SCYL3: variants seen among roughly 807,000 people sequenced by gnomAD.
SCYL3 encodes the protein SCY1 like pseudokinase 3, also known as protein-associating with the carboxyl-terminal domain of ezrin.
Under a neutral mutation model 73.8 loss-of-function variants are expected in SCYL3, and 35 were observed. That is an observed-to-expected ratio of 0.47 (90% CI 0.36 to 0.63). SCYL3 has a LOEUF of 0.63. Among genes scored for constraint, SCYL3 ranks in the 20% least tolerant of loss-of-function variants. The probability of loss-of-function intolerance (pLI) is 0.00; values close to 1 mark genes in which losing one functional copy is unlikely to be tolerated. For synonymous variants in SCYL3, 277 were observed against 295.2 expected (o/e 0.94, Z 0.63); for missense variants, 712 against 798.9 (o/e 0.89, Z 1.31).
chr1:169,855,897 G>C, intron 11 of SCYL3: 1 of 1,613,924 alleles, frequency 6.2e-7, no homozygotes, highest in Non-Finnish European at 8.5e-7. Context: ...GCTAGAGAAG[G>C]GGTTCTCCAA....
At chr1:169,887,522 C>G (rs1444711709) in intron 2 of SCYL3, among the ~76,000 whole-genome samples, 1 of 152,064 alleles carries the variant, frequency 6.6e-6, no homozygotes, top group Non-Finnish European at 1.5e-5. Flanking sequence ...TAACAGGAGG[C>G]ATGTTAGACA....
chr1:169,854,240 T>A, intron 12 of SCYL3, 30 bp downstream of exon 12: 1 of 1,512,694 alleles, frequency 6.6e-7, no homozygotes, highest in South Asian at 1.3e-5. Flanking sequence ...CTAAAGCTAG[T>A]AGCACAGTTT....
chr1:169,853,598 G>C lies in SCYL3; in HGVS notation c.*115C>G. The C allele has an allele frequency of 2.8e-6, 3 of 1,064,510 alleles. No individual in the cohort carries two copies. Among genetic ancestry groups the C allele is most frequent in the Non-Finnish European group, 4.2e-6 (3 of 714,488 alleles). 65.9% of individuals were successfully genotyped at this position (1,064,510 alleles called of 1,614,324 possible). ...GCACAGACTGGATAATGAGCTCCTGGGATGGGAAAAGCAGGCCACTTTGGG... is the reference window on the plus strand; with the variant it reads ...GCACAGACTGGATAATGAGCTCCTGCGATGGGAAAAGCAGGCCACTTTGGG... On this transcript the variant is annotated 3_prime_UTR_variant, in exon 13 of 13. Transcript: ENST00000367771.
chr1:169,859,250 A>C, intron 10 of SCYL3, 38 bp from the exon 11 acceptor site: 1 of 1,570,048 alleles, frequency 6.4e-7, no homozygotes, highest in Non-Finnish European at 8.6e-7. Context: ...GACAACCACA[A>C]TACCTATCTC....
chr1:169,860,252 A>AT (rs1318779598), intron 10 of SCYL3, among the ~76,000 whole-genome samples: 6 of 152,094 alleles, frequency 3.9e-5, no homozygotes, highest in Admixed American at 6.5e-5. Flanking sequence ...ACATTCTTAA[A>AT]TTTTTTTTGC....
intron 5 of SCYL3, among the ~76,000 whole-genome samples, chr1:169,872,108 A>G (rs1017059070): frequency 6.6e-6 from 1 of 152,254 alleles, no homozygotes; most frequent in African/African-American, 2.4e-5. Context: ...AGGGCATGTC[A>G]GAGATCTTCA....
intron 2 of SCYL3, among the ~76,000 whole-genome samples, chr1:169,888,402 G>A (rs1167755413): frequency 2.6e-5 from 4 of 152,176 alleles, no homozygotes; most frequent in Non-Finnish European, 5.9e-5. Flanking sequence ...ACATAAAAAT[G>A]TCTCCCTAAC....
Position 169,880,609 on chromosome 1 carries a change from A to C in SCYL3, c.166-1790T>G, listed in dbSNP as rs904135338. Among the ~76,000 whole-genome samples, 23 of 90,558 alleles carry C rather than the reference A, an allele frequency of 2.5e-4. 5 individuals are homozygous for C. Among genetic ancestry groups the C allele is most frequent in the South Asian group, 5.9e-4 (2 of 3,418 alleles). The allele number at this position is 90,558 out of a possible 152,430, so 59.4% of individuals were successfully genotyped here. A position where few individuals can be genotyped will look rare whatever the true frequency, so the allele number is the denominator to read the frequency against. ...AGCACTTTTGGTGACAAAAAAAAAA[A>C]CAGAAAATTTCTTGCCAGAAGACCT... On this transcript the variant is annotated intron_variant, in intron 2 of 12. Transcript: ENST00000367771.
intron 8 of SCYL3, 45 bp from the exon 9 acceptor site, chr1:169,864,553 T>G: frequency 6.5e-7 from 1 of 1,539,812 alleles, no homozygotes; most frequent in Non-Finnish European, 8.7e-7. Context: ...CATGACACTG[T>G]ATCAGCTTAC....
chr1:169,875,670 A>G (rs1660745557), intron 4 of SCYL3, among the ~76,000 whole-genome samples: 1 of 152,246 alleles, frequency 6.6e-6, no homozygotes, highest in Admixed American at 6.5e-5. Flanking sequence ...ATCAAGTGGT[A>G]TGATCCAAGT....
In SCYL3 at chr1:169,853,141, A is replaced by C; in HGVS notation, c.*572T>G. 1.3e-6 allele frequency: 1 copy of C among 750,036 alleles called. No individual in the cohort carries two copies. Among genetic ancestry groups the C allele is most frequent in the South Asian group, 1.9e-5 (1 of 53,062 alleles). 46.5% of individuals were successfully genotyped at this position (750,036 alleles called of 1,614,324 possible). Reference sequence around the variant, plus strand: ...TTTAGAGAACAGGATTGTGGGGAATATTCTTATTAAGAACTTTGGTACAAT... The same window carrying C: ...TTTAGAGAACAGGATTGTGGGGAATCTTCTTATTAAGAACTTTGGTACAAT... On this transcript the variant is annotated 3_prime_UTR_variant, in exon 13 of 13. Transcript: ENST00000367771.
In SCYL3 at chr1:169,862,780, T is replaced by A. The variant is rs2102151549; in HGVS notation, c.973A>T (p.Thr325Ser). Residue 325 changes from threonine (T) to serine (S), a missense_variant, in exon 10 of 13, where the codon ACT becomes TCT. Around this residue, in one of 2 missense-constraint regions of SCYL3, gnomAD observed 342 missense variants for 448.1 expected, o/e 0.76. Transcript: ENST00000367771. ...GPKKDHAQGE[T>S]PCLLSPALFQ... ...AGGGCTGGTGAGAGCAAGCAAGGAG[T>A]TTCTCCCTGCGCATGATCTACCCGA... The A allele has an allele frequency of 3.1e-6, 5 of 1,613,856 alleles. No individual in the cohort carries two copies. The highest frequency in any genetic ancestry group is 1.1e-5 in the South Asian group (1 of 91,052).
chr1:169,851,648 A>G lies in SCYL3; in HGVS notation c.*2065T>C, dbSNP rs757419904. 1.6e-5 allele frequency: 12 copies of G among 751,616 alleles called. No homozygotes were observed. Among genetic ancestry groups the G allele is most frequent in the Non-Finnish European group, 2.6e-5 (12 of 468,194 alleles). 46.6% of individuals were successfully genotyped at this position (751,616 alleles called of 1,614,324 possible). A position where few individuals can be genotyped will look rare whatever the true frequency, so the allele number is the denominator to read the frequency against. ...ACTATTTTGTAAGGAAGAACACAGT[A>G]GAGTGATTTAATCCAGATTATACTA... On this transcript the variant is annotated 3_prime_UTR_variant, in exon 13 of 13. Coordinates refer to ENST00000367771, the MANE Select transcript of SCYL3 (RefSeq NM_020423.7).
chr1:169,874,952 T>C (rs12143057), intron 4 of SCYL3, among the ~76,000 whole-genome samples: 10,130 of 151,968 alleles, frequency 0.067, 427 homozygotes, highest in Non-Finnish European at 0.099. Flanking sequence ...AAAACCTAAA[T>C]GGTAAATGAG....
intron 2 of SCYL3, among the ~76,000 whole-genome samples, chr1:169,881,875 T>C (rs1661288369): frequency 1.3e-5 from 2 of 152,210 alleles, no homozygotes; most frequent in African/African-American, 4.8e-5. Flanking sequence ...ACAACCTAGA[T>C]CTCTTGCATA....
Position 169,853,612 on chromosome 1 carries a change from G to T in SCYL3, c.*101C>A. On this transcript the variant is annotated 3_prime_UTR_variant, in exon 13 of 13. Coordinates refer to ENST00000367771, the MANE Select transcript of SCYL3 (RefSeq NM_020423.7). ...ATGAGCTCCTGGGATGGGAAAAGCA[G>T]GCCACTTTGGGGTTTTCTTGTCCCA... The T allele has an allele frequency of 8.0e-7, 1 of 1,252,076 alleles. No homozygotes were observed. Among genetic ancestry groups the T allele is most frequent in the Non-Finnish European group, 1.1e-6 (1 of 876,922 alleles). 77.6% of individuals were successfully genotyped at this position (1,252,076 alleles called of 1,614,324 possible).
At chr1:169,865,151 G>A (rs1179928605) in intron 8 of SCYL3, among the ~76,000 whole-genome samples, 1 of 152,054 alleles carries the variant, frequency 6.6e-6, no homozygotes, top group Non-Finnish European at 1.5e-5. Context: ...TTTAAACAAT[G>A]TAGAAAGCTT....
intron 12 of SCYL3, 159 bp from the exon 13 acceptor site, chr1:169,853,931 A>G: frequency 1.3e-6 from 1 of 794,942 alleles, no homozygotes; most frequent in Non-Finnish European, 2.0e-6. Flanking sequence ...AGAAAGTTGA[A>G]AAGTAGGATT....
intron 11 of SCYL3, among the ~76,000 whole-genome samples, chr1:169,858,704 T>C (rs910726762): frequency 6.6e-6 from 1 of 152,024 alleles, no homozygotes; most frequent in African/African-American, 2.4e-5. Flanking sequence ...CAACTGCCAA[T>C]AGCAATTTTT....
Sources: gnomAD v4.1 joint callset for allele counts (sites outside exome capture counted in the v4.1 genomes callset) on GRCh38, gnomAD v4.1.1 for gene constraint, gnomAD v4.1.1 regional missense constraint, MANE v1.5 for transcripts, NCBI Gene and HGNC (gene_info 2026-07-23, HGNC 2026-07-21) for gene names.